SEM1: variants seen among roughly 807,000 people sequenced by gnomAD.
SEM1 encodes the protein 26S proteasome complex subunit SEM1.
In SEM1, 3 loss-of-function variants were observed where a neutral mutation model predicts 12.7. That is an observed-to-expected ratio of 0.24 (90% confidence interval 0.11 to 0.61). The LOEUF (loss-of-function observed/expected upper bound fraction) is 0.61. Among genes scored for constraint, SEM1 ranks in the 20% least tolerant of loss-of-function variants. The probability of loss-of-function intolerance (pLI) is 0.88; values close to 1 mark genes in which losing one functional copy is unlikely to be tolerated. For synonymous variants in SEM1, 30 were observed against 27.8 expected (o/e 1.08, Z -0.25); for missense variants, 59 against 81.3 (o/e 0.73, Z 1.06).
chr7:96,626,526 G>T (rs1808072312), intron 2 of SEM1, among the ~76,000 whole-genome samples: 1 of 151,860 alleles, frequency 6.6e-6, no homozygotes, highest in Admixed American at 6.6e-5. Context: ...ATAATGAAGG[G>T]ATGTTGAAAT....
chr7:96,586,277 C>T (rs1205830237), intron 2 of SEM1, among the ~76,000 whole-genome samples: 2 of 152,144 alleles, frequency 1.3e-5, no homozygotes, highest in Admixed American at 6.5e-5. Flanking sequence ...TACAGAATTC[C>T]AGCTGCCAGT....
chr7:96,495,634 T>C (rs1354991408), intron 1 of SEM1, among the ~76,000 whole-genome samples: 1 of 152,182 alleles, frequency 6.6e-6, no homozygotes, highest in East Asian at 1.9e-4. Context: ...ATGATCAGTA[T>C]TGGCCATGAT....
intron 2 of SEM1, among the ~76,000 whole-genome samples, chr7:96,691,066 T>C (rs1789917874): frequency 6.6e-6 from 1 of 152,156 alleles, no homozygotes; most frequent in Non-Finnish European, 1.5e-5. Flanking sequence ...CCACTGCGCC[T>C]GGCCTATACT....
At chr7:96,618,437 G>T (rs77685697), downstream of SEM1, among the ~76,000 whole-genome samples, 33 of 152,262 alleles carry the variant, frequency 2.2e-4, no homozygotes, top group East Asian at 6.0e-3. Context: ...TCTCTGACAG[G>T]CTTGGGAAGT....
At chr7:96,696,629 T>A (rs988961520) in intron 1 of SEM1, 1 of 151,944 alleles carries the variant, frequency 6.6e-6, no homozygotes, top group African/African-American at 2.4e-5. Flanking sequence ...AGAATCTATT[T>A]TGGATGGATA....
At chr7:96,503,098 T>G (rs1007731837) in intron 3 of SEM1, among the ~76,000 whole-genome samples, 8 of 152,174 alleles carry the variant, frequency 5.3e-5, no homozygotes, top group Non-Finnish European at 1.0e-4. Flanking sequence ...CTGGTCATTA[T>G]TTCTCTACTA....
At chr7:96,494,112 G>C (rs1418765446) in intron 1 of SEM1, among the ~76,000 whole-genome samples, 1 of 152,088 alleles carries the variant, frequency 6.6e-6, no homozygotes, top group African/African-American at 2.4e-5. Flanking sequence ...TTTACACCTA[G>C]GAAGAAATCT....
chr7:96,547,381 A>T (rs1161059545), intron 2 of SEM1, among the ~76,000 whole-genome samples: 1 of 152,164 alleles, frequency 6.6e-6, no homozygotes, highest in Non-Finnish European at 1.5e-5. Context: ...CCTGGGAATG[A>T]ATAGAGTATT....
chr7:96,685,270 G>A (rs1789729743), downstream of SEM1, among the ~76,000 whole-genome samples: 1 of 152,058 alleles, frequency 6.6e-6, no homozygotes, highest in Non-Finnish European at 1.5e-5. Flanking sequence ...AAGGCCTAAT[G>A]AAAAATGCTG....
At chr7:96,675,688 C>T (rs1339853176) in intron 2 of SEM1, among the ~76,000 whole-genome samples, 1 of 152,116 alleles carries the variant, frequency 6.6e-6, no homozygotes, top group Non-Finnish European at 1.5e-5. Flanking sequence ...GGAGCCTGCT[C>T]CTTCCTCCAC....
At chr7:96,652,398 T>G (rs1337503475) in intron 2 of SEM1, among the ~76,000 whole-genome samples, 1 of 152,096 alleles carries the variant, frequency 6.6e-6, no homozygotes, top group African/African-American at 2.4e-5. Context: ...TAAACTAGTT[T>G]GGGCATATTT....
downstream of SEM1, among the ~76,000 whole-genome samples, chr7:96,672,187 T>C (rs1006843352): frequency 1.3e-5 from 2 of 152,240 alleles, no homozygotes; most frequent in African/African-American, 4.8e-5. Flanking sequence ...TTTGCACTTC[T>C]ATCCCTTTTC....
chr7:96,651,241 C>T (rs1234948991), intron 2 of SEM1, among the ~76,000 whole-genome samples: 1 of 152,136 alleles, frequency 6.6e-6, no homozygotes, highest in Non-Finnish European at 1.5e-5. Flanking sequence ...TTAGGCTCTT[C>T]CTTCAAGATT....
intron 2 of SEM1, among the ~76,000 whole-genome samples, chr7:96,615,227 ATT>A (rs1807671889): frequency 1.5e-5 from 1 of 66,520 alleles, no homozygotes; most frequent in African/African-American, 5.2e-5. Context: ...CTGTTGGGTT[ATT>A]TTTTGAGTCA....
chr7:96,621,422 A>G (rs138840700), downstream of SEM1, among the ~76,000 whole-genome samples: 1 of 152,322 alleles, frequency 6.6e-6, no homozygotes, highest in African/African-American at 2.4e-5. Flanking sequence ...ATGTTATCTT[A>G]AAAGATATAA....
At chr7:96,705,440 T>G (rs970472136) in intron 1 of SEM1, among the ~76,000 whole-genome samples, 8 of 152,194 alleles carry the variant, frequency 5.3e-5, no homozygotes, top group Admixed American at 2.6e-4. Flanking sequence ...CTCTTCCCTC[T>G]TTTACTCGAA....
downstream of SEM1, among the ~76,000 whole-genome samples, chr7:96,684,538 A>G (rs1164603905): frequency 6.6e-6 from 1 of 152,122 alleles, no homozygotes; most frequent in Non-Finnish European, 1.5e-5. Context: ...AAAGGCAAGC[A>G]CTGTACTAAC....
At chr7:96,482,677 G>A (rs771641170) in exon 4 of SEM1, 5 of 152,132 alleles carry the variant, frequency 3.3e-5, no homozygotes, top group Non-Finnish European at 2.9e-5. Flanking sequence ...AATGTTTCCC[G>A]GTCATGGAGG....
exon 2 of SEM1, chr7:96,486,277 C>G (rs375118928): frequency 1.8e-5 from 28 of 1,536,998 alleles, no homozygotes; most frequent in Non-Finnish European, 2.4e-5. Context: ...TTGCAAAGGC[C>G]GGATGCTTAC....
Sources: allele counts gnomAD v4.1 joint callset (sites outside exome capture counted in the v4.1 genomes callset), GRCh38; gene constraint gnomAD v4.1.1; transcripts MANE v1.5; gene names NCBI Gene and HGNC (gene_info 2026-07-23, HGNC 2026-07-21).